Variants in N4BP2 observed in about 807,000 individuals in gnomAD.
The protein encoded by N4BP2 is NEDD4 binding protein 2.
Under a neutral mutation model 152.8 loss-of-function variants are expected in N4BP2, and 91 were observed. The ratio of observed to expected loss-of-function variants is 0.60; its 90% CI spans 0.50 to 0.71. N4BP2 has a LOEUF of 0.71. Among genes scored for constraint, N4BP2 ranks in the 30% least tolerant of loss-of-function variants. N4BP2 has a pLI of 0.00. For synonymous variants in N4BP2, 646 were observed against 705.3 expected (o/e 0.92, Z 1.33); for missense variants, 1,923 against 2,059.1 (o/e 0.93, Z 1.28).
chr4:40,083,269 C>T (rs1337567704), intron 2 of N4BP2, among the ~76,000 whole-genome samples: 2 of 152,102 alleles, frequency 1.3e-5, no homozygotes, highest in East Asian at 1.9e-4. Context: ...TTTGGAAAAC[C>T]GTTTGGCAGT....
chr4:40,121,833 A>ACAT lies in N4BP2; in HGVS notation c.3722_3723insCAT (p.Glu1241delinsAspIle). The ACAT allele has an allele frequency of 6.2e-7, 1 of 1,614,110 alleles. No homozygotes were observed. The highest frequency in any genetic ancestry group is 8.5e-7 in the Non-Finnish European group (1 of 1,179,988). On this transcript the variant is annotated protein_altering_variant, in exon 9 of 18. Transcript: ENST00000261435. ...GACATACTTCCTAACAGCCAGGAAG[A>ACAT]ACTTTTATATAGCAGTAAGCAGTCC...
intron 1 of N4BP2, among the ~76,000 whole-genome samples, chr4:40,069,710 C>A (rs1711953766): frequency 6.6e-6 from 1 of 152,080 alleles, no homozygotes; most frequent in Non-Finnish European, 1.5e-5. Context: ...GAGTTGGAGA[C>A]CAGTGTGGGC....
intron 1 of N4BP2, among the ~76,000 whole-genome samples, chr4:40,065,563 G>A (rs78989823): frequency 0.016 from 2,409 of 152,244 alleles, 76 homozygotes; most frequent in African/African-American, 0.055. Flanking sequence ...TGCTGCTTGG[G>A]ATGGGAGGGT....
chr4:40,128,009 T>TA (rs1184338811), intron 12 of N4BP2, among the ~76,000 whole-genome samples: 2 of 152,172 alleles, frequency 1.3e-5, no homozygotes, highest in Non-Finnish European at 2.9e-5. Context: ...GAGTTTGAAT[T>TA]AAAAAAATTA....
chr4:40,149,310 A>G (rs1720918417), intron 16 of N4BP2, among the ~76,000 whole-genome samples: 1 of 152,236 alleles, frequency 6.6e-6, no homozygotes, highest in Non-Finnish European at 1.5e-5. Flanking sequence ...TTCTTTGTGA[A>G]AGATGAAGGC....
Position 40,103,314 on chromosome 4 carries a change from C to T in N4BP2, c.1373+96C>T, listed in dbSNP as rs186957642. The T allele has an allele frequency of 4.4e-4, 446 of 1,015,900 alleles. No individual in the cohort carries two copies. The African/African-American group carries it at 6.0e-3, about 14-fold the overall frequency. 62.9% of individuals were successfully genotyped at this position (1,015,900 alleles called of 1,614,324 possible). ...GCAAAATGCTTTGCTTAGTAGAGATCTTTAGTAACCCCTAAAATGTTTTCT... is the reference window on the plus strand; with the variant it reads ...GCAAAATGCTTTGCTTAGTAGAGATTTTTAGTAACCCCTAAAATGTTTTCT... On this transcript the variant is annotated intron_variant, in intron 4 of 17. Transcript: ENST00000261435.
intron 14 of N4BP2, among the ~76,000 whole-genome samples, chr4:40,139,492 T>C (rs1464389772): frequency 1.9e-5 from 2 of 106,638 alleles, no homozygotes; most frequent in Admixed American, 9.0e-5. Context: ...AGCATTAGGC[T>C]TTTTTTTTTT....
At chr4:40,160,943 G>T (rs1198092703), downstream of N4BP2, among the ~76,000 whole-genome samples, 1 of 152,120 alleles carries the variant, frequency 6.6e-6, no homozygotes, top group Non-Finnish European at 1.5e-5. Context: ...ACCCCACAGA[G>T]CTTTATCCTC....
chr4:40,137,114 G>T lies in N4BP2; in HGVS notation c.4785+32G>T, dbSNP rs968966662. 6 of 1,512,558 alleles carry T rather than the reference G, an allele frequency of 4.0e-6. No homozygotes were observed. The African/African-American group carries it at 7.0e-5, about 18-fold the overall frequency. The allele number at this position is 1,512,558 out of a possible 1,614,324, so 93.7% of individuals were successfully genotyped here. A position where few individuals can be genotyped will look rare whatever the true frequency, so the allele number is the denominator to read the frequency against. On this transcript the variant is annotated intron_variant, in intron 14 of 17. Coordinates refer to ENST00000261435, the MANE Select transcript of N4BP2 (RefSeq NM_018177.6). ...AGTTACTAATTTTTTTTCTACAAGG[G>T]TAGATAATTGCATATAAAAATATAA...
At chr4:40,060,131 C>T (rs1228843746) in intron 1 of N4BP2, among the ~76,000 whole-genome samples, 7 of 150,150 alleles carry the variant, frequency 4.7e-5, no homozygotes, top group South Asian at 2.1e-4. Context: ...ACTGTGCCTG[C>T]GCCTTGGGAA....
intron 2 of N4BP2, among the ~76,000 whole-genome samples, chr4:40,088,282 A>C (rs1183326718): frequency 6.6e-6 from 1 of 152,104 alleles, no homozygotes; most frequent in African/African-American, 2.4e-5. Flanking sequence ...ATAATTTTTC[A>C]GTCCTGATAA....
At chr4:40,186,684 C>T in the N4BP2 span, among the ~76,000 whole-genome samples, 1 of 152,244 alleles carries the variant, frequency 6.6e-6, no homozygotes, top group Non-Finnish European at 1.5e-5. Context: ...ATATTGTGAG[C>T]ATGTTCCCAT....
At chr4:40,128,718 G>A (rs557485042) in intron 12 of N4BP2, among the ~76,000 whole-genome samples, 1 of 151,944 alleles carries the variant, frequency 6.6e-6, no homozygotes, top group South Asian at 2.1e-4. Flanking sequence ...AGTAGAGACA[G>A]GGTTTCACCA....
chr4:40,112,765 G>A (rs891147768), intron 6 of N4BP2, among the ~76,000 whole-genome samples: 16 of 151,834 alleles, frequency 1.1e-4, no homozygotes, highest in African/African-American at 2.7e-4. Context: ...GGGCAGTGGC[G>A]TGATCTCGGC....
chr4:40,115,786 A>G (rs183736038), intron 7 of N4BP2, among the ~76,000 whole-genome samples: 9 of 152,270 alleles, frequency 5.9e-5, no homozygotes, highest in African/African-American at 2.2e-4. Context: ...GATTTTTTAT[A>G]CATTTCATAT....
chr4:40,117,752 A>G, intron 7 of N4BP2, 117 bp from the exon 8 acceptor site: 1 of 755,046 alleles, frequency 1.3e-6, no homozygotes, highest in Non-Finnish European at 2.0e-6. Flanking sequence ...ACAATAAAGC[A>G]GCTTTGATAT....
At chr4:40,117,750 G>A (rs1717479429) in intron 7 of N4BP2, 119 bp from the exon 8 acceptor site, 1 of 745,730 alleles carries the variant, frequency 1.3e-6, no homozygotes. Flanking sequence ...TCACAATAAA[G>A]CAGCTTTGAT....
intron 2 of N4BP2, among the ~76,000 whole-genome samples, chr4:40,084,967 C>A (rs1350969843): frequency 7.1e-6 from 1 of 140,942 alleles, no homozygotes; most frequent in East Asian, 2.1e-4. Flanking sequence ...GGCTAGAATG[C>A]AGTGGTGCGA....
chr4:40,159,097 G>C (rs1353806407), downstream of N4BP2, among the ~76,000 whole-genome samples: 1 of 152,152 alleles, frequency 6.6e-6, no homozygotes, highest in Non-Finnish European at 1.5e-5. Flanking sequence ...AAGCCACATA[G>C]ACTTAGAGAA....
Sources: gnomAD v4.1 joint callset for allele counts (sites outside exome capture counted in the v4.1 genomes callset) on GRCh38, gnomAD v4.1.1 for gene constraint, MANE v1.5 for transcripts, NCBI Gene and HGNC (gene_info 2026-07-23, HGNC 2026-07-21) for gene names.